The following EFCAB6 variants were observed in gnomAD, a reference collection of about 807,000 sequenced individuals.
The protein encoded by EFCAB6 is EF-hand calcium binding domain 6.
EFCAB6 carries 156 observed loss-of-function variants against 169.8 expected under a neutral mutation model. The observed-to-expected ratio is 0.92, with a 90% CI of 0.81 to 1.05. EFCAB6 has a LOEUF of 1.05. Ranked by LOEUF, EFCAB6 falls within the 50% of genes least tolerant of loss-of-function variation. The pLI, the probability that EFCAB6 is intolerant of heterozygous loss-of-function variation, is 0.00. For missense variants in EFCAB6, 1,800 were observed against 1,829.1 expected (o/e 0.98, Z 0.29); for synonymous variants, 698 against 676.4 (o/e 1.03, Z -0.50).
At chr22:43,590,566 C>T (rs905334466) in intron 23 of EFCAB6, among the ~76,000 whole-genome samples, 1 of 152,176 alleles carries the variant, frequency 6.6e-6, no homozygotes, top group African/African-American at 2.4e-5. Context: ...AATACACACT[C>T]ATTCTCAATA....
intron 8 of EFCAB6, among the ~76,000 whole-genome samples, chr22:43,721,263 G>A (rs1299315153): frequency 6.6e-6 from 1 of 152,150 alleles, no homozygotes; most frequent in African/African-American, 2.4e-5. Context: ...CTATGCTTAC[G>A]GATTGAAAGA....
intron 26 of EFCAB6, among the ~76,000 whole-genome samples, chr22:43,574,735 G>T (rs192531147): frequency 6.6e-6 from 1 of 151,988 alleles, no homozygotes; most frequent in Non-Finnish European, 1.5e-5. Context: ...AGGTATTTGC[G>T]ACGCACATGA....
intron 21 of EFCAB6, 70 bp downstream of exon 21, chr22:43,615,756 C>T (rs560915613): frequency 3.9e-5 from 53 of 1,371,828 alleles, no homozygotes; most frequent in East Asian, 9.6e-5. Flanking sequence ...TGAACAGCTT[C>T]ATCATCCCAG....
chr22:43,644,579 T>G (rs1406336441), intron 17 of EFCAB6, among the ~76,000 whole-genome samples: 1 of 152,214 alleles, frequency 6.6e-6, no homozygotes, highest in East Asian at 1.9e-4. Flanking sequence ...CCTCCAACCT[T>G]ACTTAGTGCC....
At chr22:43,784,500 A>T (rs59321031) in intron 2 of EFCAB6, among the ~76,000 whole-genome samples, 11,680 of 71,346 alleles carry the variant, frequency 0.16, 1,515 homozygotes, top group East Asian at 0.21. Context: ...AAAAAAAAAA[A>T]AAATATATAT....
At chr22:43,591,738 G>A (rs952873523) in intron 23 of EFCAB6, among the ~76,000 whole-genome samples, 1 of 152,318 alleles carries the variant, frequency 6.6e-6, no homozygotes, top group East Asian at 1.9e-4. Context: ...TTTTCTTGCA[G>A]AGATGTGTGA....
intron 15 of EFCAB6, among the ~76,000 whole-genome samples, chr22:43,670,605 A>G (rs2057447732): frequency 6.6e-6 from 1 of 152,246 alleles, no homozygotes; most frequent in South Asian, 2.1e-4. Context: ...CTCTGAAGCC[A>G]TACTTTGCTC....
At chr22:43,732,547 A>G (rs995751130) in intron 7 of EFCAB6, among the ~76,000 whole-genome samples, 1 of 146,020 alleles carries the variant, frequency 6.8e-6, no homozygotes, top group Non-Finnish European at 1.5e-5. Flanking sequence ...AGCTCACTGC[A>G]ACCTCCACCT....
rs2054696457 is a variant in EFCAB6 at position 43,628,583 on chromosome 22, C to G, written c.2233-1904G>C. 6.6e-6 allele frequency among the ~76,000 whole-genome samples: 1 copy of G among 152,198 alleles called. No individual in the cohort carries two copies. The highest frequency in any genetic ancestry group is 2.4e-5 in the African/African-American group (1 of 41,448). The stretch of plus-strand genomic sequence containing the variant: ...AAGGCCAAGGCCTGGCCGTGGCCCA[C>G]AAGCCTGTCTACACCCCCATCCCAC... On this transcript the variant is annotated intron_variant, in intron 19 of 31. Transcript: ENST00000262726. This position sits in a 1 kb window ranked among gnomAD's most constrained non-coding sequence, Gnocchi z 4.8.
intron 26 of EFCAB6, among the ~76,000 whole-genome samples, chr22:43,573,445 A>T (rs1295918664): frequency 2.4e-5 from 3 of 124,044 alleles, no homozygotes; most frequent in African/African-American, 9.5e-5. Context: ...TCATATAATA[A>T]AAAGGGGCTG....
At chr22:43,741,418 G>C (rs559456701) in intron 6 of EFCAB6, among the ~76,000 whole-genome samples, 1 of 152,038 alleles carries the variant, frequency 6.6e-6, no homozygotes, top group African/African-American at 2.4e-5. Context: ...CCCTGCCTTC[G>C]TTCAGGTCTC....
At chr22:43,672,175 G>T in intron 14 of EFCAB6, 42 bp from the exon 15 acceptor site, 7 of 1,613,696 alleles carry the variant, frequency 4.3e-6, no homozygotes, top group Non-Finnish European at 5.9e-6. Context: ...CCATACATCT[G>T]TAACCTCTTG....
chr22:43,664,374 C>CA (rs2057146189), intron 17 of EFCAB6, among the ~76,000 whole-genome samples: 1 of 152,200 alleles, frequency 6.6e-6, no homozygotes, highest in Non-Finnish European at 1.5e-5. Context: ...CAGCACTACA[C>CA]AAAAGAGATC....
At chr22:43,738,411 TCACA>T (rs961492762) in intron 6 of EFCAB6, among the ~76,000 whole-genome samples, 2 of 149,676 alleles carry the variant, frequency 1.3e-5, no homozygotes, top group Non-Finnish European at 3.0e-5. Context: ...CACACATCTC[TCACA>T]CACATACATT....
At position 43,628,032 on chromosome 22, in the gene EFCAB6, G is replaced by A. The variant is rs2147850434; in HGVS notation, c.2233-1353C>T. 6.6e-6 allele frequency among the ~76,000 whole-genome samples: 1 copy of A among 152,234 alleles called. No homozygotes were observed. The highest frequency in any genetic ancestry group is 2.4e-5 in the African/African-American group (1 of 41,516). On this transcript the variant is annotated intron_variant, in intron 19 of 31. Transcript: ENST00000262726. This position sits in a 1 kb window ranked among gnomAD's most constrained non-coding sequence, Gnocchi z 4.8. Reference sequence around the variant, plus strand: ...CCCGAGGGGGCCTCCTGGGGTGCAGGCCCATCTGTTTCTTGATGATTCCCT... The same window carrying A: ...CCCGAGGGGGCCTCCTGGGGTGCAGACCCATCTGTTTCTTGATGATTCCCT...
chr22:43,669,615 G>A (rs920762737), intron 15 of EFCAB6, among the ~76,000 whole-genome samples: 3 of 152,132 alleles, frequency 2.0e-5, no homozygotes, highest in Non-Finnish European at 4.4e-5. Flanking sequence ...GATTTTTGGG[G>A]TGGCGAAAAT....
At chr22:43,809,251 C>T (rs2063023703) in intron 1 of EFCAB6, 120 bp from the exon 2 acceptor site, 1 of 152,106 alleles carries the variant, frequency 6.6e-6, no homozygotes, top group South Asian at 2.1e-4. Flanking sequence ...TTTTATTTTT[C>T]CATGAGTTGA....
intron 20 of EFCAB6, among the ~76,000 whole-genome samples, chr22:43,618,601 T>G (rs56197344): frequency 0.12 from 17,543 of 152,202 alleles, 1,357 homozygotes; most frequent in South Asian, 0.22. Flanking sequence ...TGTTCCCAGC[T>G]TAAGAGTCAA....
chr22:43,772,498 C>T (rs1005306965), intron 4 of EFCAB6, among the ~76,000 whole-genome samples: 1 of 151,800 alleles, frequency 6.6e-6, no homozygotes, highest in African/African-American at 2.4e-5. Flanking sequence ...ATTAGCCAGG[C>T]ATCATGGTGG....
Sources: allele counts gnomAD v4.1 joint callset (sites outside exome capture counted in the v4.1 genomes callset), GRCh38; gene constraint gnomAD v4.1.1; non-coding constraint Gnocchi (gnomAD v3.1); transcripts MANE v1.5; gene names NCBI Gene and HGNC (gene_info 2026-07-23, HGNC 2026-07-21).